Variants in ABCC4 observed in about 807,000 individuals in gnomAD.
ABCC4 encodes ATP binding cassette subfamily C member 4 (PEL blood group).
A neutral mutation model predicts 168.5 loss-of-function variants in ABCC4; 102 were observed. The observed-to-expected ratio is 0.61, with a 90% CI of 0.52 to 0.71. The LOEUF is 0.71. Among genes scored for constraint, ABCC4 ranks in the 30% least tolerant of loss-of-function variants. The pLI, the probability that ABCC4 is intolerant of heterozygous loss-of-function variation, is 0.00. For synonymous variants in ABCC4, 617 were observed against 590.7 expected, an observed-to-expected ratio of 1.04 and a Z score of -0.65; for missense variants, 1,402 against 1,605.8, an observed-to-expected ratio of 0.87 and a Z score of 2.17.
At chr13:95,125,423 A>C (rs796906576) in intron 19 of ABCC4, among the ~76,000 whole-genome samples, 5 of 152,330 alleles carry the variant, frequency 3.3e-5, no homozygotes, top group African/African-American at 1.2e-4. Context: ...GAAGGGTTTC[A>C]GGAACTCTCT....
chr13:95,047,310 C>T (rs1039872181), intron 27 of ABCC4, among the ~76,000 whole-genome samples: 1 of 152,044 alleles, frequency 6.6e-6, no homozygotes, highest in African/African-American at 2.4e-5. Context: ...TAAGACCATA[C>T]TAAGATTATT....
rs901535807 is a variant in ABCC4 at position 95,170,588 on chromosome 13, C to T, written c.1768G>A (p.Val590Met). 3 of 1,612,326 alleles carry T rather than the reference C, an allele frequency of 1.9e-6. No individual in the cohort carries two copies. The highest frequency in any genetic ancestry group is 2.5e-6 in the Non-Finnish European group (3 of 1,179,680). The change falls in exon 14 of 31, where the codon GTG becomes ATG. Residue 590 changes from valine (V) to methionine (M), a missense_variant. Physicochemically the swap from Val to Met is conservative, Grantham distance 21. Coordinates refer to ENST00000645237, the MANE Select transcript of ABCC4 (RefSeq NM_005845.5). Reference sequence around the variant, plus strand: ...TTGAGGTACTGCAACTGATGAGTCACTAAAATTGTGATCTTCTCATGCAAA... The same window carrying T: ...TTGAGGTACTGCAACTGATGAGTCATTAAAATTGTGATCTTCTCATGCAAA... Reference protein sequence around the residue: ...QILHEKITILVTHQLQYLKAA... With the variant: ...QILHEKITILMTHQLQYLKAA...
At chr13:95,089,089 G>A (rs2034347237) in intron 20 of ABCC4, among the ~76,000 whole-genome samples, 1 of 151,948 alleles carries the variant, frequency 6.6e-6, no homozygotes, top group Non-Finnish European at 1.5e-5. Context: ...GATGCAAAAG[G>A]CAAATTTCTG....
intron 19 of ABCC4, among the ~76,000 whole-genome samples, chr13:95,124,713 G>GTAAAAAAAA: frequency 1.7e-5 from 1 of 59,212 alleles, no homozygotes; most frequent in Non-Finnish European, 2.7e-5. Context: ...TACTAAAAAC[G>GTAAAAAAAA]AAAAAAAAAA....
Position 95,021,293 on chromosome 13 carries a change from A to T in ABCC4, c.*282T>A. Reference sequence around the variant, plus strand: ...CCTACTCCTTTAAAAATGAGCTTTGACTCTGTAGTCTCTTAAGGCACAAAA... The same window carrying T: ...CCTACTCCTTTAAAAATGAGCTTTGTCTCTGTAGTCTCTTAAGGCACAAAA... On this transcript the variant is annotated 3_prime_UTR_variant, in exon 31 of 31. Coordinates refer to ENST00000645237, the MANE Select transcript of ABCC4 (RefSeq NM_005845.5). The T allele has an allele frequency of 3.4e-6, 1 of 295,296 alleles. No individual in the cohort carries two copies. Among genetic ancestry groups the T allele is most frequent in the East Asian group, 6.0e-5 (1 of 16,592 alleles). 18.3% of individuals were successfully genotyped at this position (295,296 alleles called of 1,614,324 possible). A position where few individuals can be genotyped will look rare whatever the true frequency, so the allele number is the denominator to read the frequency against.
chr13:95,111,587 G>A (rs1369586459), intron 20 of ABCC4, among the ~76,000 whole-genome samples: 1 of 152,008 alleles, frequency 6.6e-6, no homozygotes, highest in Non-Finnish European at 1.5e-5. Flanking sequence ...TGCCCCTCTG[G>A]GTTTCTTCCC....
chr13:95,040,283 G>A (rs1168188697), intron 29 of ABCC4, among the ~76,000 whole-genome samples: 1 of 152,176 alleles, frequency 6.6e-6, no homozygotes, highest in Admixed American at 6.5e-5. Flanking sequence ...CCAGGCTGGA[G>A]TGCAGTGGCG....
intron 26 of ABCC4, among the ~76,000 whole-genome samples, chr13:95,058,784 G>C (rs938928199): frequency 6.6e-6 from 1 of 152,026 alleles, no homozygotes; most frequent in Non-Finnish European, 1.5e-5. Flanking sequence ...TGGAGAATGG[G>C]GCTAACTTGA....
chr13:95,146,724 T>C (rs1481548697), intron 19 of ABCC4, among the ~76,000 whole-genome samples: 2 of 152,232 alleles, frequency 1.3e-5, no homozygotes, highest in Non-Finnish European at 2.9e-5. Flanking sequence ...TGTTGCTTTG[T>C]TGCTACTGCA....
rs56298285 is a variant in ABCC4 at position 95,240,531 on chromosome 13, A to AAC, written c.307-5699_307-5698dup. Among the ~76,000 whole-genome samples the AAC allele has an allele frequency of 6.9e-3, 1,029 of 149,646 alleles. 28 individuals carry two copies. In the East Asian group the frequency reaches 0.082, roughly 12 times the overall value. On this transcript the variant is annotated intron_variant, in intron 3 of 30. Transcript: ENST00000645237. ...GGGCAAGAGCAAAACTCCATCTCAA[A>AAC]ACACACACACACACACACACACACA...
chr13:95,235,511 C>T (rs1236458717), intron 3 of ABCC4, among the ~76,000 whole-genome samples: 1 of 152,194 alleles, frequency 6.6e-6, no homozygotes, highest in Non-Finnish European at 1.5e-5. Context: ...CACCCCACTT[C>T]CTCTGTACCC....
chr13:95,141,713 C>A (rs1012594071), intron 19 of ABCC4, among the ~76,000 whole-genome samples: 1 of 152,174 alleles, frequency 6.6e-6, no homozygotes, highest in Admixed American at 6.5e-5. Context: ...ATCCAAGGAG[C>A]CAGTTGCTCC....
At chr13:95,164,070 G>T (rs1031505408) in intron 16 of ABCC4, among the ~76,000 whole-genome samples, 4 of 146,170 alleles carry the variant, frequency 2.7e-5, no homozygotes, top group South Asian at 4.4e-4. Context: ...AAGAAAGAAA[G>T]AAAGAAAGAA....
rs977021736 is a variant in ABCC4 at position 95,246,984 on chromosome 13, C to G, written c.297G>C (p.Thr99=). 6.2e-7 allele frequency: 1 copy of G among 1,611,640 alleles called. No homozygotes were observed. Among genetic ancestry groups the G allele is most frequent in the African/African-American group, 1.3e-5 (1 of 74,764 alleles). ...ATGTAAAAGCTTTTACCTCAATTAACGTAAAAATTCCCAAAACTAAATAAG... is the reference window on the plus strand; with the variant it reads ...ATGTAAAAGCTTTTACCTCAATTAAGGTAAAAATTCCCAAAACTAAATAAG... The part of the protein sequence containing the change: ...WKSYLVLGIF[T]LIEESAKVIQ... The change falls in exon 3 of 31, where the codon ACG becomes ACC. Residue 99 remains threonine, a synonymous_variant. Coordinates refer to ENST00000645237, the MANE Select transcript of ABCC4 (RefSeq NM_005845.5).
intron 28 of ABCC4, among the ~76,000 whole-genome samples, chr13:95,044,048 T>C (rs898163735): frequency 2.0e-5 from 3 of 152,126 alleles, no homozygotes; most frequent in Non-Finnish European, 4.4e-5. Context: ...TGGGAGTGGA[T>C]TTTAGGAATC....
chr13:95,265,492 C>T (rs1261790432), intron 1 of ABCC4, among the ~76,000 whole-genome samples: 1 of 151,948 alleles, frequency 6.6e-6, no homozygotes, highest in African/African-American at 2.4e-5. Context: ...TGAAATTAGC[C>T]AGGTACAGTG....
intron 14 of ABCC4, among the ~76,000 whole-genome samples, chr13:95,168,733 A>G (rs546927870): frequency 1.3e-5 from 2 of 152,310 alleles, no homozygotes; most frequent in South Asian, 4.1e-4. Flanking sequence ...CTGAGGCAAG[A>G]GGCAACAAGC....
intron 19 of ABCC4, among the ~76,000 whole-genome samples, chr13:95,155,165 G>T (rs951325038): frequency 4.6e-5 from 7 of 151,452 alleles, no homozygotes; most frequent in African/African-American, 1.7e-4. Flanking sequence ...ATTCCTGTAG[G>T]ATGCACATCC....
intron 19 of ABCC4, among the ~76,000 whole-genome samples, chr13:95,145,548 C>T (rs1272014445): frequency 4.0e-5 from 6 of 148,726 alleles, no homozygotes; most frequent in Middle Eastern, 3.2e-3. Flanking sequence ...CACTTGACTC[C>T]GGGAGGTGGA....
Sources: allele counts gnomAD v4.1 joint callset (sites outside exome capture counted in the v4.1 genomes callset), GRCh38; gene constraint gnomAD v4.1.1; transcripts MANE v1.5; gene names NCBI Gene and HGNC (gene_info 2026-07-23, HGNC 2026-07-21).